CDYL: variants seen among roughly 807,000 people sequenced by gnomAD.
CDYL encodes chromodomain Y-like protein.
In CDYL, 8 loss-of-function variants were observed where a neutral mutation model predicts 47.3. That is an observed-to-expected ratio of 0.17 (90% CI 0.10 to 0.31). The LOEUF (loss-of-function observed/expected upper bound fraction) is 0.31. Ranked by LOEUF, CDYL falls within the 10% of genes least tolerant of loss-of-function variation. The pLI is 1.00. For synonymous variants in CDYL, 266 were observed against 265.0 expected, an observed-to-expected ratio of 1.00 and a Z score of -0.04; for missense variants, 471 against 701.4, an observed-to-expected ratio of 0.67 and a Z score of 3.71.
chr6:4,935,542 C>G lies in CDYL; in HGVS notation c.719C>G (p.Thr240Arg). Residue 240 changes from threonine (T) to arginine (R), a missense_variant, in exon 3 of 7, where the codon ACA becomes AGA. Physicochemically the swap from Thr to Arg is moderately conservative, Grantham distance 71. Coordinates refer to ENST00000397588, the MANE Select transcript of CDYL (RefSeq NM_004824.4). ...ACATCTCCGTTCATGGATGCATTAA[C>G]AGCCAATGGGACAACCAACATACAG... Reference protein sequence around the residue: ...KGTSPFMDALTANGTTNIQTS... With the variant: ...KGTSPFMDALRANGTTNIQTS... The G allele has an allele frequency of 6.2e-7, 1 of 1,614,218 alleles. No individual in the cohort carries two copies.
At chr6:4,937,481 G>A in intron 3 of CDYL, 84 bp from the exon 4 acceptor site, 1 of 1,118,126 alleles carries the variant, frequency 8.9e-7, no homozygotes, top group Non-Finnish European at 1.2e-6. Context: ...GAGCAACAGA[G>A]TGAGACTCTC....
intron 1 of CDYL, among the ~76,000 whole-genome samples, chr6:4,824,480 G>A (rs184016101): frequency 9.5e-4 from 144 of 152,268 alleles, no homozygotes; most frequent in Non-Finnish European, 1.6e-3. Context: ...TAATGAGTAC[G>A]ATGAGCATCA....
chr6:4,867,441 G>A lies in CDYL; in HGVS notation c.25-24272G>A, dbSNP rs554826545. On this transcript the variant is annotated intron_variant, in intron 1 of 6. Transcript: ENST00000397588. ...ATCTTCAGTCTTTCACATTAAGTAC[G>A]TATTAGCTGTAGGGTTTTTATAGAT... Among the ~76,000 whole-genome samples the A allele has an allele frequency of 5.9e-5, 9 of 152,168 alleles. No homozygotes were observed. The South Asian group carries it at 8.3e-4, about 14-fold the overall frequency.
chr6:4,748,681 A>AC (rs57871036), intron 3 of CDYL, among the ~76,000 whole-genome samples: 1,763 of 151,824 alleles, frequency 0.012, 16 homozygotes, highest in Non-Finnish European at 0.013. Context: ...ACACACACAC[A>AC]AACAAATTTT....
At chr6:4,913,421 A>T (rs376554445) in intron 2 of CDYL, among the ~76,000 whole-genome samples, 1 of 152,346 alleles carries the variant, frequency 6.6e-6, no homozygotes, top group African/African-American at 2.4e-5. Flanking sequence ...CAGTGGCAAT[A>T]GAATCACCAA....
At chr6:4,915,734 CT>C (rs1304107249) in intron 2 of CDYL, among the ~76,000 whole-genome samples, 1 of 152,190 alleles carries the variant, frequency 6.6e-6, no homozygotes, top group African/African-American at 2.4e-5. Context: ...GTAAAGCTCT[CT>C]TGTGGGGGAA....
chr6:4,725,430 G>A (rs1432757798), intron 2 of CDYL, among the ~76,000 whole-genome samples: 1 of 152,240 alleles, frequency 6.6e-6, no homozygotes, highest in Non-Finnish European at 1.5e-5. Flanking sequence ...ACAGCGAGGT[G>A]GGGAGGCTCA....
intron 1 of CDYL, among the ~76,000 whole-genome samples, chr6:4,849,680 A>AG (rs1006562358): frequency 7.9e-6 from 1 of 126,384 alleles, no homozygotes; most frequent in Non-Finnish European, 1.6e-5. Flanking sequence ...TGGTCATGCC[A>AG]GGAAAAAAAA....
At chr6:4,874,591 G>A (rs1406896545) in intron 1 of CDYL, among the ~76,000 whole-genome samples, 1 of 152,310 alleles carries the variant, frequency 6.6e-6, no homozygotes. Flanking sequence ...ATGAGATATG[G>A]CTTACGTACA....
At chr6:4,717,975 A>G (rs1757300794) in intron 2 of CDYL, among the ~76,000 whole-genome samples, 1 of 151,772 alleles carries the variant, frequency 6.6e-6, no homozygotes, top group African/African-American at 2.4e-5. Flanking sequence ...CCTCCCAGAT[A>G]GCTGCGATTG....
intron 1 of CDYL, among the ~76,000 whole-genome samples, chr6:4,833,840 T>A (rs1026397443): frequency 6.6e-6 from 1 of 151,754 alleles, no homozygotes; most frequent in African/African-American, 2.4e-5. Context: ...GCCTTCTTTG[T>A]CTCCTTTGAT....
intron 1 of CDYL, among the ~76,000 whole-genome samples, chr6:4,807,591 CTTTTTTTTTTTTTT>C (rs70974139): frequency 6.5e-4 from 28 of 42,900 alleles, no homozygotes; most frequent in Non-Finnish European, 4.9e-4. Context: ...TCATTCATGT[CTTTTTTTTTTTTTT>C]TTTTTTTTTT....
chr6:4,892,770 G>T (rs141724760), intron 2 of CDYL, among the ~76,000 whole-genome samples: 1 of 152,308 alleles, frequency 6.6e-6, no homozygotes, highest in Non-Finnish European at 1.5e-5. Context: ...ATACAGAAGT[G>T]CAGGTTCTTA....
rs533796888 is a variant in CDYL at position 4,868,186 on chromosome 6, A to G, written c.25-23527A>G. Among the ~76,000 whole-genome samples the G allele has an allele frequency of 9.2e-5, 14 of 151,850 alleles. No individual in the cohort carries two copies. The South Asian group carries it at 2.9e-3, about 32-fold the overall frequency. Reference sequence around the variant, plus strand: ...TCGCCCTTCTGTTTCTTATTTCTTCAATAGAAAGATTAGATTATTGGTTCT... The same window carrying G: ...TCGCCCTTCTGTTTCTTATTTCTTCGATAGAAAGATTAGATTATTGGTTCT... On this transcript the variant is annotated intron_variant, in intron 1 of 6. Transcript: ENST00000397588.
intron 5 of CDYL, among the ~76,000 whole-genome samples, chr6:4,945,867 C>T (rs1192211494): frequency 2.0e-5 from 3 of 152,256 alleles, no homozygotes; most frequent in Non-Finnish European, 2.9e-5. Context: ...TCACAACGCA[C>T]CACCCTGAGG....
At chr6:4,801,987 C>G (rs938660078) in intron 1 of CDYL, among the ~76,000 whole-genome samples, 1 of 152,156 alleles carries the variant, frequency 6.6e-6, no homozygotes, top group South Asian at 2.1e-4. Context: ...AGTGTCACCT[C>G]TATATTCTAG....
chr6:4,725,092 G>A (rs190686413), intron 2 of CDYL, among the ~76,000 whole-genome samples: 1 of 152,260 alleles, frequency 6.6e-6, no homozygotes, highest in African/African-American at 2.4e-5. Context: ...GACACAGAGT[G>A]TCGATTGCTG....
At chr6:4,769,102 A>C (rs565802039) in intron 3 of CDYL, among the ~76,000 whole-genome samples, 1 of 152,200 alleles carries the variant, frequency 6.6e-6, no homozygotes, top group Non-Finnish European at 1.5e-5. Context: ...TAATAGAGGT[A>C]ATGCGGCGTC....
At chr6:4,860,510 A>T (rs57582327) in intron 1 of CDYL, among the ~76,000 whole-genome samples, 4,428 of 147,224 alleles carry the variant, frequency 0.03, 96 homozygotes, top group African/African-American at 0.064. Context: ...TATATATATA[A>T]AAAATATATA....
Sources: gnomAD v4.1 joint callset for allele counts (sites outside exome capture counted in the v4.1 genomes callset) on GRCh38, gnomAD v4.1.1 for gene constraint, MANE v1.5 for transcripts, NCBI Gene and HGNC (gene_info 2026-07-23, HGNC 2026-07-21) for gene names.